The following SCN11A variants were observed in gnomAD, a reference collection of about 807,000 sequenced individuals.
The protein encoded by SCN11A is sodium channel protein type 11 subunit alpha.
SCN11A carries 122 observed loss-of-function variants against 162.2 expected under a neutral mutation model. The observed-to-expected ratio is 0.75, with a 90% CI of 0.65 to 0.87. The LOEUF (loss-of-function observed/expected upper bound fraction) is 0.87, where lower values mean the gene tolerates loss of function less well. Among genes scored for constraint, SCN11A ranks in the 40% least tolerant of loss-of-function variants. SCN11A has a pLI of 0.00. For missense variants in SCN11A, 2,015 were observed against 2,181.6 expected, an observed-to-expected ratio of 0.92 and a Z score of 1.52; for synonymous variants, 758 against 751.5, an observed-to-expected ratio of 1.01 and a Z score of -0.14.
chr3:38,860,063 C>A (rs2064938129), intron 28 of SCN11A, among the ~76,000 whole-genome samples: 2 of 152,068 alleles, frequency 1.3e-5, no homozygotes, highest in Non-Finnish European at 2.9e-5. Context: ...ACCAGTTCTG[C>A]CATTCCACCC....
At chr3:38,880,992 G>C (rs2065299763) in intron 22 of SCN11A, among the ~76,000 whole-genome samples, 1 of 152,184 alleles carries the variant, frequency 6.6e-6, no homozygotes, top group South Asian at 2.1e-4. Context: ...AATCATCCTT[G>C]CTGTTGGAGA....
At chr3:38,974,694 CAAAAAAA>C (rs773028321) in intron 2 of SCN11A, among the ~76,000 whole-genome samples, 3 of 48,150 alleles carry the variant, frequency 6.2e-5, no homozygotes, top group African/African-American at 1.3e-4. Context: ...GACTCCGTCT[CAAAAAAA>C]AAAAAAAAAA....
At chr3:38,940,682 A>AT (rs71635880) in intron 7 of SCN11A, among the ~76,000 whole-genome samples, 16,552 of 152,200 alleles carry the variant, frequency 0.11, 984 homozygotes, top group Middle Eastern at 0.16. Flanking sequence ...AAGGATTTAA[A>AT]TTTTTAAAAA....
intron 11 of SCN11A, among the ~76,000 whole-genome samples, chr3:38,914,976 G>T (rs574081985): frequency 6.6e-6 from 1 of 152,232 alleles, no homozygotes; most frequent in South Asian, 2.1e-4. Context: ...GTATCAGGAC[G>T]ATGGTGGTCT....
chr3:38,858,550 A>G (rs1404362069), intron 28 of SCN11A, among the ~76,000 whole-genome samples: 1 of 152,066 alleles, frequency 6.6e-6, no homozygotes, highest in Non-Finnish European at 1.5e-5. Flanking sequence ...TAATGAGGCA[A>G]CACAATAATA....
intron 16 of SCN11A, among the ~76,000 whole-genome samples, chr3:38,903,055 T>A (rs73826400): frequency 0.016 from 2,418 of 152,246 alleles, 67 homozygotes; most frequent in African/African-American, 0.056. Flanking sequence ...TCCTTATTTT[T>A]AAAAAATAAA....
In SCN11A at chr3:38,946,801, A is replaced by G. The variant is rs202128784; in HGVS notation, c.374T>C (p.Val125Ala). The part of the protein sequence containing the change: ...FNSIRSLAIR[V>A]SVHSLFSMFI... ...AATGAAAGGATATGAATGGACTGAG[A>G]CTCTAATGGCTAAACTTCTGATTGA... The change falls in exon 6 of 30, where the codon GTC (valine) becomes GCC (alanine). Residue 125 changes from valine (V) to alanine (A), a missense_variant. Coordinates refer to ENST00000302328, the MANE Select transcript of SCN11A (RefSeq NM_001349253.2). 6.8e-6 allele frequency: 11 copies of G among 1,606,976 alleles called. No individual in the cohort carries two copies. Among genetic ancestry groups the G allele is most frequent in the Admixed American group, 5.0e-5 (3 of 59,768 alleles).
At chr3:38,883,198 A>T (rs776291998) in intron 22 of SCN11A, 35 bp downstream of exon 22, 8 of 1,588,540 alleles carry the variant, frequency 5.0e-6, no homozygotes, top group Non-Finnish European at 6.9e-6. Context: ...AGCTGCCCTG[A>T]TGCCCAATGT....
intron 3 of SCN11A, among the ~76,000 whole-genome samples, chr3:38,956,447 T>C (rs943972202): frequency 2.0e-5 from 3 of 152,196 alleles, no homozygotes; most frequent in Non-Finnish European, 4.4e-5. Context: ...TAATGGTTTA[T>C]AGACAAAGCC....
intron 27 of SCN11A, among the ~76,000 whole-genome samples, chr3:38,863,532 A>T (rs2064998097): frequency 6.6e-6 from 1 of 152,138 alleles, no homozygotes; most frequent in Non-Finnish European, 1.5e-5. Context: ...ACTTTTTAGA[A>T]CAGAAAGGTT....
At chr3:38,976,691 T>C (rs1174755764) in intron 2 of SCN11A, among the ~76,000 whole-genome samples, 1 of 152,188 alleles carries the variant, frequency 6.6e-6, no homozygotes, top group Non-Finnish European at 1.5e-5. Context: ...AGCAGTTCTT[T>C]GGTCACCCCA....
In SCN11A at chr3:38,946,828, T is replaced by C. The variant is rs551315107; in HGVS notation, c.347A>G (p.Asn116Ser). Residue 116 changes from asparagine (N) to serine (S), a missense_variant, in exon 6 of 30, where the codon AAT becomes AGT. Physicochemically the swap from Asn to Ser is conservative, Grantham distance 46. Transcript: ENST00000302328. ...TCTAATGGCTAAACTTCTGATTGAA[T>C]TGAAAGGCCCAAAAATGAACAAGGC... ...KHALFIFGPF[N>S]SIRSLAIRVS... 8 of 1,613,916 alleles carry C rather than the reference T, an allele frequency of 5.0e-6. No individual in the cohort carries two copies. The highest frequency in any genetic ancestry group is 4.0e-5 in the African/African-American group (3 of 75,026).
chr3:39,019,327 C>T (rs2031382224), intron 2 of SCN11A, among the ~76,000 whole-genome samples: 1 of 152,076 alleles, frequency 6.6e-6, no homozygotes, highest in African/African-American at 2.4e-5. Context: ...GAATCATTTC[C>T]CACACCCTTT....
chr3:38,987,669 G>A (rs775129187), intron 2 of SCN11A, among the ~76,000 whole-genome samples: 1 of 152,192 alleles, frequency 6.6e-6, no homozygotes, highest in African/African-American at 2.4e-5. Flanking sequence ...TGGCACTTCA[G>A]TGAAGCCTAG....
At chr3:38,987,299 T>TCACACACACA (rs1331997215) in intron 2 of SCN11A, among the ~76,000 whole-genome samples, 2 of 111,700 alleles carry the variant, frequency 1.8e-5, no homozygotes, top group African/African-American at 4.6e-5. Flanking sequence ...TCTCTCTCTC[T>TCACACACACA]CTCTCACACA....
At chr3:39,043,343 T>A (rs2032102255) in intron 1 of SCN11A, among the ~76,000 whole-genome samples, 1 of 152,184 alleles carries the variant, frequency 6.6e-6, no homozygotes, top group Admixed American at 6.5e-5. Flanking sequence ...GAAATCAGTA[T>A]ATCAAAGAGA....
chr3:38,897,716 T>TAA (rs10711040), intron 17 of SCN11A, among the ~76,000 whole-genome samples: 3 of 132,040 alleles, frequency 2.3e-5, no homozygotes, highest in East Asian at 2.2e-4. Flanking sequence ...CTCCATCTCA[T>TAA]AAAAAAAAAA....
intron 2 of SCN11A, among the ~76,000 whole-genome samples, chr3:38,985,419 C>T (rs1255699947): frequency 2.0e-5 from 3 of 150,582 alleles, no homozygotes; most frequent in African/African-American, 5.0e-5. Flanking sequence ...CGTGAGCCAC[C>T]GCACCCGGCC....
intron 1 of SCN11A, among the ~76,000 whole-genome samples, chr3:39,044,272 A>C (rs2032131939): frequency 6.6e-6 from 1 of 152,222 alleles, no homozygotes; most frequent in African/African-American, 2.4e-5. Flanking sequence ...ATGTAGACAG[A>C]AAATCAACCA....
Sources: allele counts gnomAD v4.1 joint callset (sites outside exome capture counted in the v4.1 genomes callset), GRCh38; gene constraint gnomAD v4.1.1; transcripts MANE v1.5; gene names NCBI Gene and HGNC (gene_info 2026-07-23, HGNC 2026-07-21).